TRMT11: variants seen among roughly 807,000 people sequenced by gnomAD.
TRMT11 encodes the protein tRNA methyltransferase 11.
TRMT11 carries 53 observed loss-of-function variants against 62.8 expected under a neutral mutation model. That is an observed-to-expected ratio of 0.84 (90% CI 0.68 to 1.06). The LOEUF is 1.06. Ranked by LOEUF, TRMT11 falls within the 50% of genes least tolerant of loss-of-function variation. The pLI is 0.00. For synonymous variants in TRMT11, 188 were observed against 190.3 expected (o/e 0.99, Z 0.10); for missense variants, 556 against 553.4 (o/e 1.00, Z -0.05).
chr6:126,059,431 G>A (rs1776467888), intron 17 of TRMT11, among the ~76,000 whole-genome samples: 1 of 152,070 alleles, frequency 6.6e-6, no homozygotes. Context: ...AGTATCTGTG[G>A]CAGCTTTTAT....
intron 17 of TRMT11, among the ~76,000 whole-genome samples, chr6:126,065,889 A>G (rs543153234): frequency 6.6e-6 from 1 of 152,300 alleles, no homozygotes; most frequent in African/African-American, 2.4e-5. Context: ...AATAGTACCT[A>G]TCGTGAATTT....
chr6:126,249,408 C>G, the TRMT11 span, among the ~76,000 whole-genome samples: 1 of 152,050 alleles, frequency 6.6e-6, no homozygotes, highest in Non-Finnish European at 1.5e-5. Context: ...TCCAATCACA[C>G]TACTTGATTC....
rs1222722212 is a variant in TRMT11, at chr6:126,026,802, GT to G, written c.1260+5540del. ...GCCATGGTAGAATGTGGTTTTTTGG[GT>G]TTTTTTTTTTTTTTTTTGAGACGGA... On this transcript the variant is annotated intron_variant, in intron 12 of 12. Coordinates refer to ENST00000334379, the MANE Select transcript of TRMT11 (RefSeq NM_001031712.3). 3.6e-3 allele frequency among the ~76,000 whole-genome samples: 437 copies of G among 121,712 alleles called. 3 individuals are homozygous for G. Among genetic ancestry groups the G allele is most frequent in the South Asian group, 8.1e-3 (31 of 3,832 alleles). 79.8% of individuals were successfully genotyped at this position (121,712 alleles called of 152,430 possible).
chr6:126,172,228 T>C (rs1168128473), upstream of TRMT11, among the ~76,000 whole-genome samples: 1 of 152,158 alleles, frequency 6.6e-6, no homozygotes, highest in Admixed American at 6.5e-5. Context: ...TAAGTTTAGC[T>C]GAGGAGCCAA....
intron 17 of TRMT11, among the ~76,000 whole-genome samples, chr6:126,099,640 G>A (rs1014505812): frequency 2.6e-5 from 4 of 152,154 alleles, no homozygotes; most frequent in Admixed American, 6.5e-5. Flanking sequence ...CCAGCTACTC[G>A]GGAGGCTGAG....
chr6:126,231,468 G>A, the TRMT11 span, among the ~76,000 whole-genome samples: 11 of 152,108 alleles, frequency 7.2e-5, no homozygotes, highest in Admixed American at 5.2e-4. Context: ...TAGTCTATAC[G>A]TTAATTGACT....
chr6:126,253,007 A>C, the TRMT11 span, among the ~76,000 whole-genome samples: 6 of 152,206 alleles, frequency 3.9e-5, no homozygotes, highest in African/African-American at 2.4e-5. Flanking sequence ...TAACTCCAGC[A>C]CAGAATCTGA....
At chr6:126,041,824 C>A (rs1775887394), downstream of TRMT11, among the ~76,000 whole-genome samples, 1 of 152,074 alleles carries the variant, frequency 6.6e-6, no homozygotes, top group Admixed American at 6.6e-5. Context: ...AAAATAAGAA[C>A]CTTGGCTCTT....
At chr6:126,011,471 T>C in intron 9 of TRMT11, 54 bp downstream of exon 9, 3 of 1,500,766 alleles carry the variant, frequency 2.0e-6, no homozygotes, top group Non-Finnish European at 1.8e-6. Context: ...TAAAATCATT[T>C]ACATTTAAAG....
At chr6:125,993,075 C>G (rs146084245) in intron 1 of TRMT11, among the ~76,000 whole-genome samples, 1 of 152,204 alleles carries the variant, frequency 6.6e-6, no homozygotes, top group East Asian at 1.9e-4. Flanking sequence ...GAACACTTAC[C>G]TCTCATTAGG....
intron 21 of TRMT11, among the ~76,000 whole-genome samples, chr6:126,141,164 T>A (rs1012819677): frequency 6.6e-6 from 1 of 152,094 alleles, no homozygotes; most frequent in African/African-American, 2.4e-5. Flanking sequence ...TAAGTAATTA[T>A]AATTGAATCT....
At chr6:126,191,660 T>A (rs180850103) in intron 1 of TRMT11, among the ~76,000 whole-genome samples, 1 of 152,134 alleles carries the variant, frequency 6.6e-6, no homozygotes, top group East Asian at 1.9e-4. Context: ...TTCTTCTGCA[T>A]GTAGATATCT....
chr6:126,189,467 T>A (rs1053224170), intron 1 of TRMT11, among the ~76,000 whole-genome samples: 11 of 152,276 alleles, frequency 7.2e-5, no homozygotes, highest in Admixed American at 6.5e-4. Flanking sequence ...ATCTTGCATT[T>A]AAAAAAATTA....
chr6:126,032,484 C>T lies in TRMT11; in HGVS notation c.1261-6221C>T, dbSNP rs117692763. ...TCCTTTTAGTCTCAGAGTCTTCTCA[C>T]ACGCACTGTGTTTCCTCTTCCTAGA... On this transcript the variant is annotated intron_variant, in intron 12 of 12. Transcript: ENST00000334379. Among the ~76,000 whole-genome samples the T allele has an allele frequency of 3.5e-4, 54 of 152,274 alleles. 2 individuals are homozygous for T. The East Asian group carries it at 8.3e-3, about 23-fold the overall frequency.
At position 126,161,958 on chromosome 6, in the gene TRMT11, T is replaced by C. The variant is rs192573597; in HGVS notation, c.*1824-12867T>C. On this transcript the variant is annotated intron_variant and NMD_transcript_variant, in intron 21 of 22. Transcript: ENST00000648977. The stretch of plus-strand genomic sequence containing the variant: ...CAAAAGTGGATATCCATCTGGATAT[T>C]AGCCCTTTCTCAGATGGATAGATTG... 6.6e-5 allele frequency among the ~76,000 whole-genome samples: 10 copies of C among 152,296 alleles called. No homozygotes were observed. In the East Asian group the frequency reaches 1.9e-3, roughly 29 times the overall value.
chr6:126,234,866 C>T, the TRMT11 span, among the ~76,000 whole-genome samples: 1 of 152,128 alleles, frequency 6.6e-6, no homozygotes, highest in East Asian at 1.9e-4. Flanking sequence ...AAACACAATG[C>T]ATCTTTCTGA....
chr6:126,209,072 G>C, the TRMT11 span, among the ~76,000 whole-genome samples: 3 of 152,168 alleles, frequency 2.0e-5, no homozygotes, highest in African/African-American at 7.2e-5. Flanking sequence ...TCTTGAATGA[G>C]TTATATATAG....
chr6:126,151,112 A>G (rs1387363752), intron 21 of TRMT11, among the ~76,000 whole-genome samples: 2 of 152,120 alleles, frequency 1.3e-5, no homozygotes, highest in Non-Finnish European at 2.9e-5. Context: ...TCCTTCTGGC[A>G]TTTGCATATA....
At chr6:126,235,686 A>C in the TRMT11 span, among the ~76,000 whole-genome samples, 1 of 152,190 alleles carries the variant, frequency 6.6e-6, no homozygotes, top group African/African-American at 2.4e-5. Flanking sequence ...AACAACACAC[A>C]GTGGGGCCTG....
Sources: gnomAD v4.1 joint callset for allele counts (sites outside exome capture counted in the v4.1 genomes callset) on GRCh38, gnomAD v4.1.1 for gene constraint, MANE v1.5 for transcripts, NCBI Gene and HGNC (gene_info 2026-07-23, HGNC 2026-07-21) for gene names.